Variants in TRUB2 observed in about 807,000 individuals in gnomAD.
The protein encoded by TRUB2 is TruB pseudouridine synthase family member 2.
Under a neutral mutation model 31.9 loss-of-function variants are expected in TRUB2, and 31 were observed. The observed-to-expected ratio is 0.97, with a 90% CI of 0.73 to 1.31. The LOEUF (loss-of-function observed/expected upper bound fraction) is 1.31, where lower values mean the gene tolerates loss of function less well. TRUB2 is among the 50% of genes most tolerant of loss of function. TRUB2 has a pLI of 0.00. For synonymous variants in TRUB2, 201 were observed against 182.6 expected, an observed-to-expected ratio of 1.10 and a Z score of -0.81; for missense variants, 451 against 439.6, an observed-to-expected ratio of 1.03 and a Z score of -0.23.
In TRUB2 at chr9:128,309,860, T is replaced by C; in HGVS notation, c.686A>G (p.His229Arg). ...CTTCCGCAGCTCTTTCTGCGTCTCA[T>C]GCATGCACTGCACCTCTGCCAGGGA... ...PEFLLEVQCM[H>R]ETQKELRKLV... is the part of the protein sequence containing the mutation. The change falls in exon 8 of 8, where the codon CAT becomes CGT. Residue 229 changes from histidine to arginine, a missense_variant. Coordinates refer to ENST00000372890, the MANE Select transcript of TRUB2 (RefSeq NM_015679.3). The C allele has an allele frequency of 1.2e-6, 2 of 1,613,750 alleles. No homozygotes were observed. Among genetic ancestry groups the C allele is most frequent in the Non-Finnish European group, 8.5e-7 (1 of 1,179,736 alleles).
intron 2 of TRUB2, 117 bp downstream of exon 2, chr9:128,321,482 C>T: frequency 6.5e-7 from 1 of 1,539,780 alleles, no homozygotes. Context: ...GGTCTAATAC[C>T]TCACTCCTCT....
At chr9:128,315,728 T>C (rs1564384664) in intron 3 of TRUB2, 100 bp from the exon 4 acceptor site, 13 of 1,401,916 alleles carry the variant, frequency 9.3e-6, no homozygotes, top group Non-Finnish European at 1.1e-5. Context: ...CCTTTTCTGA[T>C]GCTGCCAAAG....
rs759569675 is a variant in TRUB2, at chr9:128,322,432, G to T, written c.-24C>A. On this transcript the variant is annotated 5_prime_UTR_variant, in exon 1 of 8. Transcript: ENST00000372890. ...ATACTTGAAGATCACAGCACCCGCTGGACCTGGACGGAAGTACCGCCAGGC... is the reference window on the plus strand; with the variant it reads ...ATACTTGAAGATCACAGCACCCGCTTGACCTGGACGGAAGTACCGCCAGGC... 8.1e-6 allele frequency: 13 copies of T among 1,611,856 alleles called. No individual in the cohort carries two copies. Among genetic ancestry groups the T allele is most frequent in the African/African-American group, 1.3e-5 (1 of 74,882 alleles).
intron 7 of TRUB2, 134 bp downstream of exon 7, chr9:128,310,753 G>T: frequency 2.3e-6 from 3 of 1,277,478 alleles, no homozygotes; most frequent in Non-Finnish European, 3.3e-6. Flanking sequence ...TGATGCCTTG[G>T]CCCGCAGAGA....
chr9:128,319,901 G>C (rs1190965186), intron 2 of TRUB2, among the ~76,000 whole-genome samples: 1 of 147,890 alleles, frequency 6.8e-6, no homozygotes, highest in Non-Finnish European at 1.5e-5. Context: ...TTACAGGCGT[G>C]AGCCACCACA....
Position 128,322,364 on chromosome 9 carries a change from G to C in TRUB2, c.45C>G (p.Val15=). 6.2e-7 allele frequency: 1 copy of C among 1,614,154 alleles called. No homozygotes were observed. Among genetic ancestry groups the C allele is most frequent in the Non-Finnish European group, 8.5e-7 (1 of 1,180,038 alleles). Residue 15 remains valine (V), a synonymous_variant, in exon 1 of 8, where the codon GTC becomes GTG. Transcript: ENST00000372890. ...TCCATTTTAGCCCCGGGGGCTTATA[G>C]ACCGCGAAAAGCCCATGCAGCCGCG... ...GLSRLHGLFA[V]YKPPGLKWKH...
Position 128,310,896 on chromosome 9 carries a change from AT to A in TRUB2, c.660del (p.Glu220AspfsTer4). 6.2e-7 allele frequency: 1 copy of A among 1,614,118 alleles called. No homozygotes were observed. The highest frequency in any genetic ancestry group is 8.5e-7 in the Non-Finnish European group (1 of 1,179,968). Reference sequence around the variant, plus strand: ...TCCTTGGCCAACCTACCTAAGAGGAATTCCGGAGGTGCAAAGTAGAGGCATC... The same window carrying A: ...TCCTTGGCCAACCTACCTAAGAGGAATCCGGAGGTGCAAAGTAGAGGCATC... ...GIRCLYFAPP[E>X]FLLEVQCMHE... On this transcript the variant is annotated frameshift_variant, in exon 7 of 8. Coordinates refer to ENST00000372890, the MANE Select transcript of TRUB2 (RefSeq NM_015679.3). LOFTEE classifies it high-confidence loss of function.
chr9:128,315,856 G>A, intron 3 of TRUB2: 1 of 549,988 alleles, frequency 1.8e-6, no homozygotes, highest in South Asian at 2.0e-5. Context: ...GGTTGGAGGG[G>A]GCCTAGGATC....
In TRUB2 at chr9:128,316,888, G is replaced by A. The variant is rs940657266; in HGVS notation, c.316+264C>T. 2.3e-5 allele frequency: 10 copies of A among 442,130 alleles called. No homozygotes were observed. The East Asian group carries it at 3.4e-4, about 15-fold the overall frequency. The allele number at this position is 442,130 out of a possible 1,614,324, so 27.4% of individuals were successfully genotyped here. ...ATAGTATCTACCTAATAAAGTTGTT[G>A]TGGTAAATAAATGTGCATAAAGGGC... On this transcript the variant is annotated intron_variant, in intron 3 of 7. Transcript: ENST00000372890.
intron 5 of TRUB2, 143 bp downstream of exon 5, chr9:128,313,665 G>A (rs1005414248): frequency 3.7e-5 from 27 of 724,644 alleles, no homozygotes; most frequent in South Asian, 1.6e-5. Context: ...TGCTCCTGGA[G>A]CACAGATCCC....
rs774733166 is a variant in TRUB2 at position 128,306,421 on chromosome 9, G to C, written c.*3129C>G. 1.3e-5 allele frequency: 2 copies of C among 150,404 alleles called. No individual in the cohort carries two copies. Among genetic ancestry groups the C allele is most frequent in the Non-Finnish European group, 3.0e-5 (2 of 67,740 alleles). 9.3% of individuals were successfully genotyped at this position (150,404 alleles called of 1,614,324 possible). On this transcript the variant is annotated 3_prime_UTR_variant, in exon 8 of 8. Coordinates refer to ENST00000372890, the MANE Select transcript of TRUB2 (RefSeq NM_015679.3). ...ATTGGATTCTGCTTGTCTAAATATT[G>C]CTGATTTTGTTCTGATTTTTCTCTT...
chr9:128,317,333 C>T, intron 2 of TRUB2, 107 bp from the exon 3 acceptor site: 1 of 997,852 alleles, frequency 1.0e-6, no homozygotes, highest in Non-Finnish European at 1.5e-6. Context: ...GGAGCCCAAA[C>T]TAGCATCAGG....
intron 6 of TRUB2, 191 bp from the exon 7 acceptor site, chr9:128,311,214 C>T: frequency 1.4e-6 from 1 of 736,126 alleles, no homozygotes; most frequent in Non-Finnish European, 2.2e-6. Context: ...GCTCCAGAGC[C>T]CAAGCTCTTA....
chr9:128,310,975 C>T lies in TRUB2; in HGVS notation c.582G>A (p.Val194=), dbSNP rs777495356. The T allele has an allele frequency of 1.2e-6, 2 of 1,614,238 alleles. No homozygotes were observed. ...LKTQEAYEMA[V]RGLIRPMNKS... ...TGTTCATGGGCCGGATCAGGCCTCT[C>T]ACGGCCATCTCATAGGCCTCCTGGG... Residue 194 remains valine, a synonymous_variant, in exon 7 of 8, where the codon GTG becomes GTA. Transcript: ENST00000372890.
At chr9:128,318,515 G>C (rs1433604758) in intron 2 of TRUB2, among the ~76,000 whole-genome samples, 1 of 151,262 alleles carries the variant, frequency 6.6e-6, no homozygotes, top group East Asian at 2.0e-4. Context: ...TTTTTTTTGT[G>C]TGTGTGTGTT....
intron 5 of TRUB2, among the ~76,000 whole-genome samples, chr9:128,313,192 G>A (rs1832003733): frequency 6.6e-6 from 1 of 151,166 alleles, no homozygotes; most frequent in Non-Finnish European, 1.5e-5. Context: ...ACTCCAGCCT[G>A]GGCGACAGAG....
At chr9:128,313,535 C>CAAAAAAAAAA (rs563876862) in intron 5 of TRUB2, among the ~76,000 whole-genome samples, 7 of 79,188 alleles carry the variant, frequency 8.8e-5, no homozygotes, top group Non-Finnish European at 1.1e-4. Flanking sequence ...GACTCCGTCT[C>CAAAAAAAAAA]AAAAAAAAAA....
At chr9:128,310,767 GGGCC>G in intron 7 of TRUB2, 116 bp downstream of exon 7, 1 of 1,400,816 alleles carries the variant, frequency 7.1e-7, no homozygotes. Context: ...GCAGAGATCA[GGGCC>G]GGCGTGTGCT....
At position 128,317,129 on chromosome 9, in the gene TRUB2, C is replaced by T. The variant is rs772058699; in HGVS notation, c.316+23G>A. ...TTTTCTCAAGCCTTATCACTGTACC[C>T]CCAGGCTTCTCACATCACCTACCAA... On this transcript the variant is annotated intron_variant, in intron 3 of 7. Coordinates refer to ENST00000372890, the MANE Select transcript of TRUB2 (RefSeq NM_015679.3). 3.2e-6 allele frequency: 5 copies of T among 1,558,094 alleles called. No homozygotes were observed. In the Admixed American group the frequency reaches 7.6e-5, roughly 24 times the overall value.
Sources: allele counts gnomAD v4.1 joint callset (sites outside exome capture counted in the v4.1 genomes callset), GRCh38; gene constraint gnomAD v4.1.1; transcripts MANE v1.5; gene names NCBI Gene and HGNC (gene_info 2026-07-23, HGNC 2026-07-21).